Variants in LDLRAD3 observed in about 807,000 individuals in gnomAD.
LDLRAD3 encodes the protein low-density lipoprotein receptor class A domain-containing protein 3.
In LDLRAD3, 20 loss-of-function variants were observed where a neutral mutation model predicts 29.4. The observed-to-expected ratio is 0.68, with a 90% CI of 0.48 to 0.99. The LOEUF is 0.99. Among genes scored for constraint, LDLRAD3 ranks in the 50% least tolerant of loss-of-function variants. The pLI is 0.00. For missense variants in LDLRAD3, 420 were observed against 454.3 expected (o/e 0.92, Z 0.69); for synonymous variants, 157 against 192.7 (o/e 0.81, Z 1.53).
intron 3 of LDLRAD3, among the ~76,000 whole-genome samples, chr11:36,082,835 C>T (rs1463796194): frequency 6.6e-6 from 1 of 152,180 alleles, no homozygotes; most frequent in Non-Finnish European, 1.5e-5. Context: ...CTCTCTTCTT[C>T]GCCTTTAATA....
intron 1 of LDLRAD3, chr11:35,997,251 C>A: frequency 3.1e-6 from 1 of 326,212 alleles, no homozygotes. Flanking sequence ...CAGCCATCAG[C>A]ATTGCAGCTC....
intron 4 of LDLRAD3, among the ~76,000 whole-genome samples, chr11:36,125,289 C>T (rs984456270): frequency 3.3e-5 from 5 of 152,120 alleles, no homozygotes; most frequent in Admixed American, 6.5e-5. Flanking sequence ...AGCAACTTCC[C>T]GGGTTCAAAT....
chr11:36,003,260 C>T (rs1342203349), intron 1 of LDLRAD3, among the ~76,000 whole-genome samples: 1 of 152,202 alleles, frequency 6.6e-6, no homozygotes, highest in Non-Finnish European at 1.5e-5. Context: ...GTGTGTGTCA[C>T]ATCTGGAAGC....
chr11:36,144,812 T>C (rs1590305385), intron 4 of LDLRAD3, among the ~76,000 whole-genome samples: 1 of 90,312 alleles, frequency 1.1e-5, no homozygotes, highest in Non-Finnish European at 2.1e-5. Flanking sequence ...GGTGGGGGGG[T>C]CAGCCCCCCG....
At chr11:36,214,812 A>G (rs1855330020) in intron 4 of LDLRAD3, among the ~76,000 whole-genome samples, 1 of 152,132 alleles carries the variant, frequency 6.6e-6, no homozygotes, top group African/African-American at 2.4e-5. Flanking sequence ...GTCTCATAGG[A>G]AAGATGCACA....
At chr11:36,081,839 C>T in intron 3 of LDLRAD3, 61 bp downstream of exon 3, 1 of 1,596,748 alleles carries the variant, frequency 6.3e-7, no homozygotes, top group Admixed American at 1.7e-5. Flanking sequence ...CAAACTTGTC[C>T]ACATTGGTCA....
intron 1 of LDLRAD3, among the ~76,000 whole-genome samples, chr11:36,025,472 A>T (rs575495788): frequency 6.1e-5 from 9 of 146,938 alleles, no homozygotes; most frequent in Non-Finnish European, 1.0e-4. Context: ...CACTGCAAGC[A>T]CCGCCTCCAG....
intron 1 of LDLRAD3, among the ~76,000 whole-genome samples, chr11:35,958,989 TTGGGCCTCCAGGC>T (rs915388222): frequency 6.6e-6 from 1 of 152,272 alleles, no homozygotes; most frequent in East Asian, 1.9e-4. Context: ...CCCAGCAGCA[TTGGGCCTCCAGGC>T]TCCCAGGCCT....
At position 36,105,238 on chromosome 11, in the gene LDLRAD3, T is replaced by TGTGTGTGTGTGAGA. The variant is rs1343780985; in HGVS notation, c.454+6778_454+6779insTGTGTGTGTGAGAG. On this transcript the variant is annotated intron_variant, in intron 4 of 5. Transcript: ENST00000315571. ...GTGTGTGTGTGTGTGTGTGTGTGTG[T>TGTGTGTGTGTGAGA]GAGAGAGAGAGAGAGAGAGAGAGAA... Among the ~76,000 whole-genome samples, 833 of 128,342 alleles carry TGTGTGTGTGTGAGA rather than the reference T, an allele frequency of 6.5e-3. 4 individuals are homozygous for TGTGTGTGTGTGAGA. The highest frequency in any genetic ancestry group is 0.023 in the Middle Eastern group (6 of 266). The allele number at this position is 128,342 out of a possible 152,430, so 84.2% of individuals were successfully genotyped here.
chr11:36,068,692 A>AT (rs1393077452), intron 2 of LDLRAD3, among the ~76,000 whole-genome samples: 3 of 151,972 alleles, frequency 2.0e-5, no homozygotes, highest in Non-Finnish European at 4.4e-5. Flanking sequence ...AATTTTTTGT[A>AT]TTTTTAGTAG....
chr11:36,008,526 T>C (rs781499010), intron 1 of LDLRAD3, among the ~76,000 whole-genome samples: 2 of 152,190 alleles, frequency 1.3e-5, no homozygotes, highest in Non-Finnish European at 1.5e-5. Flanking sequence ...TATTGCAAGA[T>C]TGGGTTTGTC....
intron 1 of LDLRAD3, among the ~76,000 whole-genome samples, chr11:35,969,415 C>A (rs1590693776): frequency 1.3e-5 from 2 of 152,220 alleles, no homozygotes; most frequent in African/African-American, 4.8e-5. Context: ...TGGAGAAAAT[C>A]CACTCTGCAG....
intron 1 of LDLRAD3, among the ~76,000 whole-genome samples, chr11:35,992,687 C>A (rs1851705280): frequency 6.6e-6 from 1 of 152,108 alleles, no homozygotes; most frequent in Non-Finnish European, 1.5e-5. Context: ...TTGCCTAGGG[C>A]TGAGTGGGGG....
chr11:36,023,887 T>C (rs182478639), intron 1 of LDLRAD3, among the ~76,000 whole-genome samples: 2 of 152,338 alleles, frequency 1.3e-5, no homozygotes, highest in East Asian at 3.9e-4. Context: ...TTGGCTGCTA[T>C]TAAAGAGATC....
intron 4 of LDLRAD3, among the ~76,000 whole-genome samples, chr11:36,151,337 C>T (rs1347854257): frequency 1.3e-5 from 2 of 152,050 alleles, no homozygotes; most frequent in African/African-American, 2.4e-5. Context: ...GGGTGCACAT[C>T]GCAAAACTTC....
rs1855314782 is a variant in LDLRAD3, at chr11:36,213,716, G to A, written c.455-13369G>A. On this transcript the variant is annotated intron_variant, in intron 4 of 5. Transcript: ENST00000315571. This position sits in a 1 kb window ranked among gnomAD's most constrained non-coding sequence, Gnocchi z 4.1. ...GCACCTGAGCACAGGGCCCAGCCAG[G>A]ATCTGGGCTCTCCAAGTGGACGAAT... 6.6e-6 allele frequency among the ~76,000 whole-genome samples: 1 copy of A among 152,218 alleles called. No homozygotes were observed. The highest frequency in any genetic ancestry group is 1.5e-5 in the Non-Finnish European group (1 of 68,038).
chr11:36,136,870 T>G (rs557537944), intron 4 of LDLRAD3, among the ~76,000 whole-genome samples: 206 of 152,244 alleles, frequency 1.4e-3, no homozygotes, highest in African/African-American at 4.9e-3. Context: ...TTTGTATTTT[T>G]AGTAGAGGCA....
chr11:36,036,488 A>G (rs1852306855), intron 2 of LDLRAD3, among the ~76,000 whole-genome samples: 1 of 152,176 alleles, frequency 6.6e-6, no homozygotes, highest in African/African-American at 2.4e-5. Context: ...AGGTTTTACC[A>G]TCAGGCTCTA....
chr11:36,046,293 G>A (rs1375585811), intron 2 of LDLRAD3, among the ~76,000 whole-genome samples: 2 of 152,038 alleles, frequency 1.3e-5, no homozygotes, highest in Non-Finnish European at 2.9e-5. Context: ...CTTCTCCTTT[G>A]CCTTCTGCCA....
Sources: allele counts gnomAD v4.1 joint callset (sites outside exome capture counted in the v4.1 genomes callset), GRCh38; gene constraint gnomAD v4.1.1; non-coding constraint Gnocchi (gnomAD v3.1); transcripts MANE v1.5; gene names NCBI Gene and HGNC (gene_info 2026-07-23, HGNC 2026-07-21).